Variants in COL28A1 observed in about 807,000 individuals in gnomAD.
The protein encoded by COL28A1 is collagen alpha-1(XXVIII) chain.
A neutral mutation model predicts 150.2 loss-of-function variants in COL28A1; 161 were observed. The observed-to-expected ratio is 1.07, with a 90% CI of 0.94 to 1.22. The LOEUF (loss-of-function observed/expected upper bound fraction) is 1.22. Ranked by LOEUF, COL28A1 falls within the 50% of genes most tolerant of loss-of-function variation. The pLI is 0.00. For missense variants in COL28A1, 1,617 were observed against 1,388.3 expected, an observed-to-expected ratio of 1.16 and a Z score of -2.62; for synonymous variants, 552 against 469.7, an observed-to-expected ratio of 1.18 and a Z score of -2.26.
chr7:7,527,562 C>T (rs1181912674), intron 3 of COL28A1, among the ~76,000 whole-genome samples: 2 of 152,136 alleles, frequency 1.3e-5, no homozygotes, highest in African/African-American at 4.8e-5. Flanking sequence ...AGGGCTTGCA[C>T]TCAGGCAGGG....
rs142472711 is a variant in COL28A1 at position 7,456,475 on chromosome 7, T to C, written c.1303-363A>G. 1.9e-3 allele frequency among the ~76,000 whole-genome samples: 286 copies of C among 152,294 alleles called. 2 individuals are homozygous for C. The highest frequency in any genetic ancestry group is 5.8e-3 in the African/African-American group (240 of 41,586). Reference sequence around the variant, plus strand: ...TTCATAGGATATAATAAAAATAGAATGAGAGATAAATTGAAGAAAAATATT... The same window carrying C: ...TTCATAGGATATAATAAAAATAGAACGAGAGATAAATTGAAGAAAAATATT... On this transcript the variant is annotated intron_variant, in intron 15 of 34. Coordinates refer to ENST00000399429, the MANE Select transcript of COL28A1 (RefSeq NM_001037763.3).
upstream of COL28A1, among the ~76,000 whole-genome samples, chr7:7,536,028 T>C (rs570145691): frequency 7.2e-5 from 11 of 152,226 alleles, no homozygotes; most frequent in Non-Finnish European, 1.5e-4. Flanking sequence ...TTTTCCAGAC[T>C]ATTGTAAAAA....
intron 25 of COL28A1, among the ~76,000 whole-genome samples, chr7:7,425,078 TAATA>T (rs1303977207): frequency 6.6e-6 from 1 of 151,806 alleles, no homozygotes; most frequent in Non-Finnish European, 1.5e-5. Context: ...TTATAATAAA[TAATA>T]AATAAAAATA....
At chr7:7,515,709 C>G (rs1781378328) in intron 8 of COL28A1, 105 bp downstream of exon 8, 1 of 743,272 alleles carries the variant, frequency 1.3e-6, no homozygotes. Context: ...GGAATCCAGA[C>G]TTACAAAAAT....
At chr7:7,493,046 C>A in intron 11 of COL28A1, among the ~76,000 whole-genome samples, 1 of 142,942 alleles carries the variant, frequency 7.0e-6, no homozygotes, top group African/African-American at 2.6e-5. Flanking sequence ...ATATATATAA[C>A]ATTAATATAT....
intron 19 of COL28A1, among the ~76,000 whole-genome samples, 191 bp downstream of exon 19, chr7:7,444,227 A>G (rs961189423): frequency 3.3e-5 from 5 of 152,130 alleles, no homozygotes; most frequent in African/African-American, 1.2e-4. Flanking sequence ...GATGTGAGAC[A>G]CTATCTCAGC....
At chr7:7,392,014 G>A (rs977180071) in intron 27 of COL28A1, among the ~76,000 whole-genome samples, 20 of 151,946 alleles carry the variant, frequency 1.3e-4, no homozygotes, top group Non-Finnish European at 5.9e-5. Flanking sequence ...AATTTGATCC[G>A]GTCATTATGA....
chr7:7,394,183 G>A (rs1273187456), intron 27 of COL28A1, among the ~76,000 whole-genome samples: 2 of 152,144 alleles, frequency 1.3e-5, no homozygotes, highest in African/African-American at 4.8e-5. Flanking sequence ...CTTGGCTAGG[G>A]GAGGGAGTTC....
intron 8 of COL28A1, among the ~76,000 whole-genome samples, chr7:7,513,232 A>G (rs746590500): frequency 2.6e-5 from 4 of 152,190 alleles, no homozygotes; most frequent in Non-Finnish European, 4.4e-5. Context: ...CGAGGTATAT[A>G]TACATATCTC....
At chr7:7,458,090 G>A (rs796181043) in intron 15 of COL28A1, among the ~76,000 whole-genome samples, 6 of 152,280 alleles carry the variant, frequency 3.9e-5, no homozygotes, top group African/African-American at 1.4e-4. Context: ...GTTGGCCAAT[G>A]TTTGAGCTAA....
chr7:7,456,144 A>C (rs1787151103), intron 15 of COL28A1, 32 bp from the exon 16 acceptor site: 1 of 1,603,424 alleles, frequency 6.2e-7, no homozygotes, highest in Non-Finnish European at 8.5e-7. Flanking sequence ...AAATATAACA[A>C]TAAAATAAAA....
At chr7:7,424,275 C>T (rs1784534876) in intron 25 of COL28A1, among the ~76,000 whole-genome samples, 4 of 152,176 alleles carry the variant, frequency 2.6e-5, no homozygotes, top group Admixed American at 2.6e-4. Context: ...AGTAGTGTCT[C>T]TCCACTATGG....
At chr7:7,454,264 C>G (rs372136850) in intron 16 of COL28A1, among the ~76,000 whole-genome samples, 7 of 152,030 alleles carry the variant, frequency 4.6e-5, no homozygotes, top group African/African-American at 1.7e-4. Flanking sequence ...GGAAAACATT[C>G]ATTTTTATGA....
intron 33 of COL28A1, among the ~76,000 whole-genome samples, chr7:7,361,093 C>T (rs1033985794): frequency 1.2e-5 from 1 of 86,078 alleles, no homozygotes; most frequent in Admixed American, 1.4e-4. Flanking sequence ...ACCCAAATCT[C>T]AGCTGCAGAC....
chr7:7,416,775 A>C (rs1178962944), intron 27 of COL28A1, among the ~76,000 whole-genome samples: 1 of 152,224 alleles, frequency 6.6e-6, no homozygotes, highest in East Asian at 1.9e-4. Flanking sequence ...CACACATTCT[A>C]TGAGTTCTGC....
intron 13 of COL28A1, among the ~76,000 whole-genome samples, chr7:7,477,932 G>A (rs1447427490): frequency 6.6e-6 from 1 of 152,144 alleles, no homozygotes; most frequent in Non-Finnish European, 1.5e-5. Flanking sequence ...GCTGATTGGT[G>A]CGTTTACAAT....
At chr7:7,524,292 T>C (rs373168421) in intron 3 of COL28A1, 43 bp from the exon 4 acceptor site, 2 of 1,082,654 alleles carry the variant, frequency 1.8e-6, no homozygotes, top group Non-Finnish European at 2.9e-6. Flanking sequence ...GATTGATAGT[T>C]CTGCCTCCAG....
chr7:7,490,335 A>T (rs1779847730), intron 12 of COL28A1, among the ~76,000 whole-genome samples: 1 of 152,252 alleles, frequency 6.6e-6, no homozygotes, highest in Non-Finnish European at 1.5e-5. Context: ...CCTTGGCAAA[A>T]GGGTGGGTAT....
intron 33 of COL28A1, among the ~76,000 whole-genome samples, chr7:7,360,769 TATACACAC>T (rs1272441966): frequency 2.0e-5 from 3 of 152,102 alleles, no homozygotes; most frequent in African/African-American, 7.2e-5. Flanking sequence ...TACACACACA[TATACACAC>T]ATACACACAC....
Sources: gnomAD v4.1 joint callset for allele counts (sites outside exome capture counted in the v4.1 genomes callset) on GRCh38, gnomAD v4.1.1 for gene constraint, MANE v1.5 for transcripts, NCBI Gene and HGNC (gene_info 2026-07-23, HGNC 2026-07-21) for gene names.